Variants in TALDO1 observed in about 807,000 individuals in gnomAD.
The protein encoded by TALDO1 is transaldolase 1.
In TALDO1, 29 loss-of-function variants were observed where a neutral mutation model predicts 38.1. That is an observed-to-expected ratio of 0.76 (90% CI 0.57 to 1.04). TALDO1 has a LOEUF of 1.04. Among genes scored for constraint, TALDO1 ranks in the 50% least tolerant of loss-of-function variants. TALDO1 has a pLI of 0.00. For missense variants in TALDO1, 499 were observed against 438.1 expected, an observed-to-expected ratio of 1.14 and a Z score of -1.24; for synonymous variants, 207 against 176.8, an observed-to-expected ratio of 1.17 and a Z score of -1.36.
intron 2 of TALDO1, 93 bp downstream of exon 2, chr11:756,095 C>A: frequency 6.6e-7 from 1 of 1,511,280 alleles, no homozygotes; most frequent in Non-Finnish European, 8.9e-7. Flanking sequence ...AGTTCTCAAA[C>A]ACCATGAACT....
At chr11:747,668 G>A in intron 1 of TALDO1, 90 bp downstream of exon 1, 2 of 1,197,326 alleles carry the variant, frequency 1.7e-6, no homozygotes, top group Non-Finnish European at 2.3e-6. Context: ...TCCGGGACGC[G>A]GACCGGGTGG....
chr11:755,233 C>T (rs1226127833), intron 1 of TALDO1, among the ~76,000 whole-genome samples: 1 of 142,970 alleles, frequency 7.0e-6, no homozygotes, highest in Non-Finnish European at 1.5e-5. Context: ...CAAGCTCCGC[C>T]TACTGGATTC....
intron 1 of TALDO1, 107 bp downstream of exon 1, chr11:747,685 C>G: frequency 2.0e-6 from 2 of 1,011,094 alleles, no homozygotes; most frequent in Non-Finnish European, 2.8e-6. Flanking sequence ...GTGGCGGTGC[C>G]CCGGGCGGCT....
intron 1 of TALDO1, among the ~76,000 whole-genome samples, chr11:753,900 CTG>C (rs1182046199): frequency 6.8e-6 from 1 of 147,868 alleles, no homozygotes; most frequent in Admixed American, 6.8e-5. Flanking sequence ...GAGTGAGACT[CTG>C]TGTCAGAAAA....
Position 763,456 on chromosome 11 carries a change from C to G in TALDO1, c.574C>G (p.Arg192Gly). Residue 192 changes from arginine (R) to glycine (G), a missense_variant, in exon 5 of 8, where the codon CGC becomes GGC. Arg to Gly is a moderately radical substitution (Grantham distance 125). Coordinates refer to ENST00000319006, the MANE Select transcript of TALDO1 (RefSeq NM_006755.2). ...GACCCTCATCTCCCCATTTGTTGGGCGCATCCTTGATTGGCATGTGGCAAA... is the reference window on the plus strand; with the variant it reads ...GACCCTCATCTCCCCATTTGTTGGGGGCATCCTTGATTGGCATGTGGCAAA... ...GVTLISPFVG[R>G]ILDWHVANTD... The G allele has an allele frequency of 6.2e-7, 1 of 1,613,522 alleles. No individual in the cohort carries two copies. Among genetic ancestry groups the G allele is most frequent in the South Asian group, 1.1e-5 (1 of 91,034 alleles).
chr11:763,597 C>T (rs1862993602), intron 5 of TALDO1, 78 bp downstream of exon 5: 1 of 1,594,496 alleles, frequency 6.3e-7, no homozygotes, highest in East Asian at 2.2e-5. Context: ...CGAGACGGAG[C>T]TGCCGCATCA....
chr11:750,977 C>T (rs557786310), intron 1 of TALDO1, among the ~76,000 whole-genome samples: 70 of 152,254 alleles, frequency 4.6e-4, no homozygotes, highest in African/African-American at 1.6e-3. Context: ...CTTTGAATTC[C>T]TAGCTTGGTT....
rs542831549 is a variant in TALDO1 at position 749,248 on chromosome 11, CA to C, written c.97+1675del. On this transcript the variant is annotated intron_variant, in intron 1 of 7. Coordinates refer to ENST00000319006, the MANE Select transcript of TALDO1 (RefSeq NM_006755.2). The stretch of plus-strand genomic sequence containing the variant: ...TGAAACCCCGTCTCTACTAAAAATA[CA>C]AAAATTAGCTGGGTGCGGTGTTGCA... Among the ~76,000 whole-genome samples the C allele has an allele frequency of 6.5e-4, 99 of 151,950 alleles. No homozygotes were observed. The Middle Eastern group carries it at 0.017, about 26-fold the overall frequency.
chr11:753,516 G>C (rs1474371392), intron 1 of TALDO1, among the ~76,000 whole-genome samples: 1 of 151,580 alleles, frequency 6.6e-6, no homozygotes, highest in Non-Finnish European at 1.5e-5. Flanking sequence ...GGGTGAAAGA[G>C]CGAGACTCCG....
At chr11:764,040 G>A (rs542825308) in intron 6 of TALDO1, 96 bp downstream of exon 6, 21 of 1,479,514 alleles carry the variant, frequency 1.4e-5, no homozygotes, top group East Asian at 9.3e-5. Flanking sequence ...CCTGTGGGGC[G>A]AGCTCATCTT....
Position 763,881 on chromosome 11 carries a change from A to T in TALDO1, c.772A>T (p.Lys258Ter). The T allele has an allele frequency of 6.2e-7, 1 of 1,613,652 alleles. No individual in the cohort carries two copies. The highest frequency in any genetic ancestry group is 1.1e-5 in the South Asian group (1 of 91,090). ...AGCDFLTISPKLLGELLQDNA... is the reference protein window; with the variant it reads ...AGCDFLTISP ...CTGTGACTTCCTCACCATCTCACCC[A>T]AGCTCCTGGGAGAGCTGCTGCAGGA... Residue 258 changes from lysine to a stop codon, truncating the protein, a stop_gained, in exon 6 of 8, where the codon AAG becomes TAG. Transcript: ENST00000319006. LOFTEE classifies it high-confidence loss of function.
chr11:757,436 G>A (rs776112937), intron 2 of TALDO1, among the ~76,000 whole-genome samples: 1 of 151,968 alleles, frequency 6.6e-6, no homozygotes, highest in Non-Finnish European at 1.5e-5. Context: ...GGGACTACAG[G>A]TGCACGCCAC....
intron 1 of TALDO1, among the ~76,000 whole-genome samples, chr11:752,763 C>T (rs1404013926): frequency 2.0e-5 from 3 of 152,172 alleles, no homozygotes; most frequent in Non-Finnish European, 2.9e-5. Flanking sequence ...GTGAGTGTTT[C>T]CCTTACTTCT....
Position 764,324 on chromosome 11 carries a change from A to G in TALDO1, c.872A>G (p.Glu291Gly). ...ASDLEKIHLDEKSFRWLHNED... is the reference protein window; with the variant it reads ...ASDLEKIHLDGKSFRWLHNED... ...GACCTGGAAAAAATCCACCTGGATG[A>G]GAAGTCTTTCCGTTGGTTGCACAAC... Residue 291 changes from glutamate to glycine, a missense_variant, in exon 7 of 8, where the codon GAG becomes GGG. Transcript: ENST00000319006. The G allele has an allele frequency of 6.2e-7, 1 of 1,614,274 alleles. No individual in the cohort carries two copies. The highest frequency in any genetic ancestry group is 8.5e-7 in the Non-Finnish European group (1 of 1,180,052).
Position 763,911 on chromosome 11 carries a change from G to A in TALDO1, c.802G>A (p.Ala268Thr), listed in dbSNP as rs138088112. 5.3e-5 allele frequency: 85 copies of A among 1,611,728 alleles called. No individual in the cohort carries two copies. The African/African-American group carries it at 7.7e-4, about 15-fold the overall frequency. ...CCTGGGAGAGCTGCTGCAGGACAAC[G>A]CCAAGCTGGTGCCTGTGCTCTCAGC... is the stretch of plus-strand genomic sequence containing the variant. ...KLLGELLQDN[A>T]KLVPVLSAKA... is the part of the protein sequence containing the mutation. The change falls in exon 6 of 8, where the codon GCC becomes ACC. Residue 268 changes from alanine (A) to threonine (T), a missense_variant. Ala to Thr is a moderately conservative substitution (Grantham distance 58, BLOSUM62 0). Coordinates refer to ENST00000319006, the MANE Select transcript of TALDO1 (RefSeq NM_006755.2).
chr11:756,761 A>G (rs970400611), intron 2 of TALDO1, among the ~76,000 whole-genome samples: 1 of 152,024 alleles, frequency 6.6e-6, no homozygotes, highest in East Asian at 1.9e-4. Context: ...CAAGTGATCC[A>G]CCTGCCTTGG....
intron 1 of TALDO1, 72 bp from the exon 2 acceptor site, chr11:755,807 G>C: frequency 5.6e-6 from 9 of 1,611,388 alleles, no homozygotes; most frequent in Non-Finnish European, 7.6e-6. Context: ...GGGAATTACA[G>C]GGTTCCTTCA....
At chr11:754,461 T>G (rs1323599329) in intron 1 of TALDO1, among the ~76,000 whole-genome samples, 2 of 152,094 alleles carry the variant, frequency 1.3e-5, no homozygotes, top group Non-Finnish European at 2.9e-5. Context: ...GAATGCGATA[T>G]TTATTTATTT....
chr11:747,674 G>C (rs1340945047), intron 1 of TALDO1, 96 bp downstream of exon 1: 32 of 1,124,992 alleles, frequency 2.8e-5, no homozygotes, highest in Non-Finnish European at 3.8e-5. Context: ...ACGCGGACCG[G>C]GTGGCGGTGC....
Sources: gnomAD v4.1 joint callset for allele counts (sites outside exome capture counted in the v4.1 genomes callset) on GRCh38, gnomAD v4.1.1 for gene constraint, MANE v1.5 for transcripts, NCBI Gene and HGNC (gene_info 2026-07-23, HGNC 2026-07-21) for gene names.